The following C4orf51 variants were observed in gnomAD, a reference collection of about 807,000 sequenced individuals.
C4orf51 encodes the protein uncharacterized protein C4orf51.
C4orf51 carries 25 observed loss-of-function variants against 25.2 expected under a neutral mutation model. That is an observed-to-expected ratio of 0.99 (90% CI 0.72 to 1.39). C4orf51 has a LOEUF of 1.39. Among genes scored for constraint, C4orf51 ranks in the 40% most tolerant of loss-of-function variants. The pLI, the probability that C4orf51 is intolerant of heterozygous loss-of-function variation, is 0.00. For synonymous variants in C4orf51, 100 were observed against 84.5 expected (o/e 1.18, Z -1.01); for missense variants, 252 against 239.6 (o/e 1.05, Z -0.34).
chr4:145,768,930 T>A, intron 1 of C4orf51, among the ~76,000 whole-genome samples: 1 of 97,986 alleles, frequency 1.0e-5, no homozygotes, highest in African/African-American at 3.8e-5. Context: ...GTATACAAAG[T>A]TTGGAAATAG....
At chr4:145,699,858 C>T (rs1168177290) in intron 2 of C4orf51, among the ~76,000 whole-genome samples, 1 of 151,806 alleles carries the variant, frequency 6.6e-6, no homozygotes, top group Non-Finnish European at 1.5e-5. Context: ...CCCTTCTCTG[C>T]TTTTCTGGGG....
rs200707934 is a variant in C4orf51 at position 145,680,198 on chromosome 4, G to A, written c.-6G>A. 6.9e-6 allele frequency: 11 copies of A among 1,600,282 alleles called. No individual in the cohort carries two copies. The highest frequency in any genetic ancestry group is 1.7e-4 in the Middle Eastern group (1 of 6,034). Reference sequence around the variant, plus strand: ...AAGTTGTTTTCCAGAGAGGCCGTTCGTAGTTATGTCACACTACTTCTACTT... The same window carrying A: ...AAGTTGTTTTCCAGAGAGGCCGTTCATAGTTATGTCACACTACTTCTACTT... On this transcript the variant is annotated 5_prime_UTR_variant, in exon 1 of 6. Coordinates refer to ENST00000438731, the MANE Select transcript of C4orf51 (RefSeq NM_001080531.3).
intron 2 of C4orf51, 98 bp downstream of exon 2, chr4:145,696,730 G>T: frequency 1.1e-6 from 1 of 898,134 alleles, no homozygotes; most frequent in Non-Finnish European, 1.7e-6. Context: ...ACTGAGATAT[G>T]ATTGACAAAT....
At chr4:145,759,098 A>G (rs1215605595), downstream of C4orf51, 1 of 152,234 alleles carries the variant, frequency 6.6e-6, no homozygotes, top group Non-Finnish European at 1.5e-5. Flanking sequence ...ACAGCAACAC[A>G]GTAAGAAAAT....
intron 1 of C4orf51, among the ~76,000 whole-genome samples, chr4:145,691,058 A>T (rs1421795284): frequency 2.0e-5 from 3 of 151,926 alleles, no homozygotes; most frequent in African/African-American, 7.3e-5. Flanking sequence ...GGCTATAGTG[A>T]GCTATGATCA....
chr4:145,768,901 A>T (rs1242690672), intron 1 of C4orf51, among the ~76,000 whole-genome samples: 1 of 26,440 alleles, frequency 3.8e-5, no homozygotes, highest in African/African-American at 1.1e-4. Context: ...ATATATATAT[A>T]TATATATATA....
intron 2 of C4orf51, among the ~76,000 whole-genome samples, chr4:145,723,061 C>T (rs890724877): frequency 6.6e-6 from 1 of 152,012 alleles, no homozygotes; most frequent in East Asian, 1.9e-4. Context: ...AAATAAAGTG[C>T]ACAATAAATA....
downstream of C4orf51, among the ~76,000 whole-genome samples, chr4:145,733,401 G>C (rs1732617015): frequency 6.6e-6 from 1 of 152,166 alleles, no homozygotes; most frequent in African/African-American, 2.4e-5. Flanking sequence ...GGCTGCACAT[G>C]ACCTGGGGCG....
In C4orf51 at chr4:145,762,276, T is replaced by C. The variant is rs999031068; in HGVS notation, n.167-8712T>C. On this transcript the variant is annotated intron_variant and non_coding_transcript_variant, in intron 1 of 1. Coordinates refer to the C4orf51 transcript ENST00000510096. This position sits in a 1 kb window ranked among gnomAD's most constrained non-coding sequence, Gnocchi z 4.9. ...TGTCAGGAAAGGAAGCTGAGGACTA[T>C]GGCAGGGGCATGGGAGGAGAAGGAA... is the stretch of plus-strand genomic sequence containing the variant. Among the ~76,000 whole-genome samples, 3 of 152,092 alleles carry C rather than the reference T, an allele frequency of 2.0e-5. No homozygotes were observed. The highest frequency in any genetic ancestry group is 4.8e-5 in the African/African-American group (2 of 41,396).
chr4:145,786,596 G>C, the C4orf51 span, among the ~76,000 whole-genome samples: 2 of 152,136 alleles, frequency 1.3e-5, no homozygotes, highest in African/African-American at 2.4e-5. Context: ...AAACCTACCA[G>C]GTCATTTTCC....
chr4:145,729,113 A>G lies in C4orf51; in HGVS notation c.367-56A>G, dbSNP rs1732274008. 13 of 1,170,292 alleles carry G rather than the reference A, an allele frequency of 1.1e-5. No individual in the cohort carries two copies. The South Asian group carries it at 1.6e-4, about 14-fold the overall frequency. The allele number at this position is 1,170,292 out of a possible 1,614,324, so 72.5% of individuals were successfully genotyped here. On this transcript the variant is annotated intron_variant, in intron 3 of 5. Coordinates refer to ENST00000438731, the MANE Select transcript of C4orf51 (RefSeq NM_001080531.3). ...CAATGTTGGGAAAATGAATTTTATT[A>G]GATTTCTATTATTATGAAAGTGGTT...
intron 2 of C4orf51, among the ~76,000 whole-genome samples, chr4:145,700,644 C>T (rs1031216520): frequency 1.3e-5 from 2 of 152,162 alleles, no homozygotes; most frequent in Non-Finnish European, 2.9e-5. Flanking sequence ...CATTATTTTA[C>T]ACATCAGTCC....
chr4:145,766,005 A>G (rs890685785), intron 1 of C4orf51, among the ~76,000 whole-genome samples: 1 of 152,198 alleles, frequency 6.6e-6, no homozygotes, highest in African/African-American at 2.4e-5. Flanking sequence ...AGTAATAGCT[A>G]AGACATACTA....
rs9994644 is a variant in C4orf51 at position 145,747,668 on chromosome 4, G to A, written n.168-6539G>A. ...TGATCTTTAGTCTCCCTTCCTCCCCGCTTCTTTCCCTCCCTCCCTCCCTTC... is the reference window on the plus strand; with the variant it reads ...TGATCTTTAGTCTCCCTTCCTCCCCACTTCTTTCCCTCCCTCCCTCCCTTC... On this transcript the variant is annotated intron_variant and non_coding_transcript_variant, in intron 1 of 1. Coordinates refer to the C4orf51 transcript ENST00000508981. Among the ~76,000 whole-genome samples, 44 of 147,064 alleles carry A rather than the reference G, an allele frequency of 3.0e-4. 1 individual carries two copies. In the East Asian group the frequency reaches 8.1e-3, roughly 27 times the overall value.
the C4orf51 span, among the ~76,000 whole-genome samples, chr4:145,791,047 G>A: frequency 6.6e-6 from 1 of 152,254 alleles, no homozygotes; most frequent in Admixed American, 6.5e-5. Flanking sequence ...TTTTTCCTCA[G>A]GCAGGGAATC....
chr4:145,723,941 T>C (rs146234554), intron 2 of C4orf51, among the ~76,000 whole-genome samples: 1 of 152,290 alleles, frequency 6.6e-6, no homozygotes, highest in East Asian at 1.9e-4. Flanking sequence ...TTCCTCTCCA[T>C]ATACCGCTAA....
intron 3 of C4orf51, 121 bp from the exon 4 acceptor site, chr4:145,729,048 A>G: frequency 2.9e-6 from 2 of 697,566 alleles, no homozygotes; most frequent in Non-Finnish European, 5.0e-6. Flanking sequence ...GGCTTTTGAC[A>G]GCAGTATCAG....
intron 1 of C4orf51, among the ~76,000 whole-genome samples, chr4:145,753,039 T>A (rs983170459): frequency 6.6e-6 from 1 of 152,152 alleles, no homozygotes; most frequent in African/African-American, 2.4e-5. Flanking sequence ...CTTGGCAATT[T>A]AAGACTGTCT....
intron 1 of C4orf51, among the ~76,000 whole-genome samples, chr4:145,692,748 C>T (rs1026806529): frequency 6.6e-6 from 1 of 152,248 alleles, no homozygotes; most frequent in East Asian, 1.9e-4. Context: ...CAATCAGAGG[C>T]CCTAAAATAA....
Sources: gnomAD v4.1 joint callset for allele counts (sites outside exome capture counted in the v4.1 genomes callset) on GRCh38, gnomAD v4.1.1 for gene constraint, Gnocchi (gnomAD v3.1) non-coding constraint, MANE v1.5 for transcripts, NCBI Gene and HGNC (gene_info 2026-07-23, HGNC 2026-07-21) for gene names.